SEMA6A: variants seen among roughly 807,000 people sequenced by gnomAD.
The protein encoded by SEMA6A is semaphorin 6A, also known as semaphorin-6A.
In SEMA6A, 25 loss-of-function variants were observed where a neutral mutation model predicts 96.8. The observed-to-expected ratio is 0.26, with a 90% CI of 0.19 to 0.36. The LOEUF (loss-of-function observed/expected upper bound fraction) is 0.36. SEMA6A is among the 10% of genes least tolerant of loss of function. The pLI is 1.00. For synonymous variants in SEMA6A, 612 were observed against 518.0 expected (o/e 1.18, Z -2.46); for missense variants, 1,363 against 1,323.1 (o/e 1.03, Z -0.47).
chr5:116,510,769 G>A lies in SEMA6A; in HGVS notation c.-38-5787C>T, dbSNP rs149601192. ...TTCTTATCTCTGGAGGTGGTCACTT[G>A]GAGAGGCTGGAAAGTTTGTCTTGGG... On this transcript the variant is annotated intron_variant, in intron 1 of 18. Coordinates refer to ENST00000343348, the MANE Select transcript of SEMA6A (RefSeq NM_020796.5). Among the ~76,000 whole-genome samples, 88 of 152,112 alleles carry A rather than the reference G, an allele frequency of 5.8e-4. 2 individuals are homozygous for A. The East Asian group carries it at 0.013, about 22-fold the overall frequency.
chr5:116,488,411 C>G (rs1343989566), intron 8 of SEMA6A, among the ~76,000 whole-genome samples: 1 of 152,222 alleles, frequency 6.6e-6, no homozygotes, highest in African/African-American at 2.4e-5. Context: ...GCTTTGCAAT[C>G]AACAATGAAG....
chr5:116,505,385 C>A (rs1463971598), intron 1 of SEMA6A, among the ~76,000 whole-genome samples: 7 of 151,796 alleles, frequency 4.6e-5, no homozygotes, highest in African/African-American at 1.7e-4. Flanking sequence ...ATCAAAATAC[C>A]TGCCATACTG....
intron 7 of SEMA6A, among the ~76,000 whole-genome samples, chr5:116,489,224 A>G (rs1415393937): frequency 1.3e-5 from 2 of 152,154 alleles, no homozygotes; most frequent in Admixed American, 6.5e-5. Context: ...TTAAAATTGC[A>G]TGGCAATTTT....
At chr5:116,487,072 A>G in intron 9 of SEMA6A, 106 bp from the exon 10 acceptor site, 1 of 739,170 alleles carries the variant, frequency 1.4e-6, no homozygotes, top group East Asian at 2.6e-5. Flanking sequence ...CAAGGTGCTT[A>G]ATACTGTTTC....
intron 1 of SEMA6A, among the ~76,000 whole-genome samples, chr5:116,558,884 G>A (rs1159801751): frequency 3.9e-5 from 6 of 152,128 alleles, no homozygotes; most frequent in Non-Finnish European, 7.4e-5. Flanking sequence ...ATATAAATAT[G>A]CCCAACATTG....
At chr5:116,553,875 C>T (rs1326992257) in intron 1 of SEMA6A, among the ~76,000 whole-genome samples, 1 of 152,082 alleles carries the variant, frequency 6.6e-6, no homozygotes, top group Non-Finnish European at 1.5e-5. Context: ...ACCATGTATA[C>T]CATTTTTTAA....
intron 11 of SEMA6A, 66 bp downstream of exon 11, chr5:116,482,378 A>T: frequency 6.5e-7 from 1 of 1,535,822 alleles, no homozygotes; most frequent in East Asian, 2.3e-5. Flanking sequence ...TAGGATGTTC[A>T]TTATCAGAGG....
At chr5:116,548,710 A>G (rs148618106) in intron 1 of SEMA6A, among the ~76,000 whole-genome samples, 1 of 152,234 alleles carries the variant, frequency 6.6e-6, no homozygotes, top group East Asian at 1.9e-4. Flanking sequence ...AGAGATAAGA[A>G]GACAACCTTA....
At chr5:116,505,455 ACG>A (rs33921280) in intron 1 of SEMA6A, among the ~76,000 whole-genome samples, 6,619 of 148,064 alleles carry the variant, frequency 0.045, 317 homozygotes, top group African/African-American at 0.12. Context: ...AGACACACGC[ACG>A]CGCACACACA....
intron 18 of SEMA6A, among the ~76,000 whole-genome samples, chr5:116,464,372 T>A (rs1443384785): frequency 6.6e-6 from 1 of 152,128 alleles, no homozygotes; most frequent in Non-Finnish European, 1.5e-5. Flanking sequence ...TTGAAAGATA[T>A]CAGGCAATTT....
At chr5:116,534,791 G>A (rs935972965) in intron 1 of SEMA6A, among the ~76,000 whole-genome samples, 8 of 152,210 alleles carry the variant, frequency 5.3e-5, no homozygotes, top group South Asian at 2.1e-4. Flanking sequence ...GACACCCGCT[G>A]CTTAGCCCAG....
Position 116,446,371 on chromosome 5 carries a change from G to A in SEMA6A, c.*242C>T. The A allele has an allele frequency of 2.3e-6, 1 of 434,106 alleles. No individual in the cohort carries two copies. The highest frequency in any genetic ancestry group is 4.1e-6 in the Non-Finnish European group (1 of 246,634). 26.9% of individuals were successfully genotyped at this position (434,106 alleles called of 1,614,324 possible). A position where few individuals can be genotyped will look rare whatever the true frequency, so the allele number is the denominator to read the frequency against. ...CTTTTGTGGGTCCGACCTGTTGTAG[G>A]GTGTGGGGGAAAGTGAAGGAAGAGA... On this transcript the variant is annotated 3_prime_UTR_variant, in exon 19 of 19. Coordinates refer to ENST00000343348, the MANE Select transcript of SEMA6A (RefSeq NM_020796.5).
intron 18 of SEMA6A, among the ~76,000 whole-genome samples, chr5:116,454,390 T>G (rs1754856000): frequency 6.6e-6 from 1 of 152,160 alleles, no homozygotes; most frequent in South Asian, 2.1e-4. Flanking sequence ...CTTGAGTGAA[T>G]GGAATCTAAC....
chr5:116,474,692 C>T (rs773129849), intron 16 of SEMA6A, among the ~76,000 whole-genome samples: 29 of 152,072 alleles, frequency 1.9e-4, no homozygotes, highest in Non-Finnish European at 4.4e-5. Context: ...CCGTGACTTC[C>T]GTTATAGAAT....
chr5:116,467,723 C>G lies in SEMA6A; in HGVS notation c.1754G>C (p.Ser585Thr). The G allele has an allele frequency of 2.5e-6, 4 of 1,613,776 alleles. No homozygotes were observed. Among genetic ancestry groups the G allele is most frequent in the Non-Finnish European group, 3.4e-6 (4 of 1,179,818 alleles). ...LNGHSSSLLP[S>T]TTTSDSTAQE... is the part of the protein sequence containing the mutation. ...AGCCGTCGAATCTGATGTGGTTGTG[C>G]TGGGCAAGAGGGAACTGGAATGCCC... Residue 585 changes from serine to threonine, a missense_variant, in exon 18 of 19, where the codon AGC becomes ACC. Ser to Thr is a moderately conservative substitution (Grantham distance 58). Transcript: ENST00000343348.
At chr5:116,543,558 G>A (rs566286275) in intron 1 of SEMA6A, among the ~76,000 whole-genome samples, 16 of 152,228 alleles carry the variant, frequency 1.1e-4, no homozygotes, top group African/African-American at 3.9e-4. Flanking sequence ...TTTAGAATAA[G>A]GCCAAGAATT....
At chr5:116,516,825 A>T (rs1758688062) in intron 1 of SEMA6A, among the ~76,000 whole-genome samples, 1 of 152,222 alleles carries the variant, frequency 6.6e-6, no homozygotes, top group South Asian at 2.1e-4. Context: ...GGTTTGTTTG[A>T]ATGTCTCTAC....
chr5:116,489,893 T>C (rs549769148), intron 7 of SEMA6A, among the ~76,000 whole-genome samples: 1 of 152,326 alleles, frequency 6.6e-6, no homozygotes, highest in East Asian at 1.9e-4. Flanking sequence ...GTTGATTACA[T>C]GGAAACAAGA....
intron 1 of SEMA6A, among the ~76,000 whole-genome samples, chr5:116,518,855 G>A (rs1580465868): frequency 6.6e-6 from 1 of 152,194 alleles, no homozygotes; most frequent in East Asian, 1.9e-4. Flanking sequence ...TGGAACACAT[G>A]GAGAGTAACA....
Sources: allele counts gnomAD v4.1 joint callset (sites outside exome capture counted in the v4.1 genomes callset), GRCh38; gene constraint gnomAD v4.1.1; transcripts MANE v1.5; gene names NCBI Gene and HGNC (gene_info 2026-07-23, HGNC 2026-07-21).